The following GRIA4 variants were observed in gnomAD, a reference collection of about 807,000 sequenced individuals.
GRIA4 encodes glutamate ionotropic receptor AMPA type subunit 4, also known as glutamate receptor 4.
GRIA4 carries 34 observed loss-of-function variants against 104.0 expected under a neutral mutation model. The ratio of observed to expected loss-of-function variants is 0.33; its 90% CI spans 0.25 to 0.44. The LOEUF is 0.44. GRIA4 is among the 20% of genes least tolerant of loss of function. The pLI, the probability that GRIA4 is intolerant of heterozygous loss-of-function variation, is 1.00. For missense variants in GRIA4, 750 were observed against 1,096.5 expected (o/e 0.68, Z 4.46); for synonymous variants, 386 against 381.9 (o/e 1.01, Z -0.13).
chr11:105,649,139 T>C (rs1194109060), intron 3 of GRIA4, among the ~76,000 whole-genome samples: 4 of 152,148 alleles, frequency 2.6e-5, no homozygotes, highest in African/African-American at 2.4e-5. Context: ...ATAAATAATA[T>C]ATCAAACTTT....
At chr11:105,612,492 C>T in intron 3 of GRIA4, 58 bp downstream of exon 3, 1 of 1,295,162 alleles carries the variant, frequency 7.7e-7, no homozygotes, top group South Asian at 1.4e-5. Context: ...GCAATGGAGT[C>T]CTCTTCCTCT....
intron 3 of GRIA4, among the ~76,000 whole-genome samples, chr11:105,737,771 G>C (rs1356051278): frequency 6.6e-6 from 1 of 152,082 alleles, no homozygotes; most frequent in Non-Finnish European, 1.5e-5. Flanking sequence ...TTTTCAAGTG[G>C]TGGAATGAAA....
intron 3 of GRIA4, among the ~76,000 whole-genome samples, chr11:105,711,135 ATGTAT>A (rs1364285758): frequency 6.6e-6 from 1 of 152,042 alleles, no homozygotes; most frequent in Non-Finnish European, 1.5e-5. Flanking sequence ...AAGAAATATA[ATGTAT>A]TATTATTCAC....
chr11:105,937,902 G>C (rs374800496), intron 14 of GRIA4, among the ~76,000 whole-genome samples: 4 of 152,290 alleles, frequency 2.6e-5, no homozygotes, highest in African/African-American at 7.2e-5. Flanking sequence ...AACAGGAACC[G>C]ATCCATTGAA....
chr11:105,707,331 A>G (rs1448157581), intron 3 of GRIA4: 1 of 152,474 alleles, frequency 6.6e-6, no homozygotes, highest in African/African-American at 2.4e-5. Flanking sequence ...AACAAGTCTT[A>G]AATTGAAAAA....
chr11:105,791,427 T>C (rs1356351420), intron 4 of GRIA4, among the ~76,000 whole-genome samples: 1 of 152,174 alleles, frequency 6.6e-6, no homozygotes, highest in East Asian at 1.9e-4. Flanking sequence ...GTTGTAAATG[T>C]TTTTCTAATT....
chr11:105,691,872 T>C (rs1243543073), intron 3 of GRIA4, among the ~76,000 whole-genome samples: 4 of 143,426 alleles, frequency 2.8e-5, no homozygotes, highest in African/African-American at 1.1e-4. Flanking sequence ...GAGGCGGAGG[T>C]TGCAGTGAGC....
rs5794424 is a variant in GRIA4, at chr11:105,742,604, ATGTG to A, written c.248-10365_248-10362del. On this transcript the variant is annotated intron_variant, in intron 3 of 16. Coordinates refer to ENST00000282499, the MANE Select transcript of GRIA4 (RefSeq NM_000829.4). The stretch of plus-strand genomic sequence containing the variant: ...TATACAAGTGTGAGTATATATATAT[ATGTG>A]TGTGTGTGTGTATGTATATATATAG... Among the ~76,000 whole-genome samples the A allele has an allele frequency of 4.6e-5, 7 of 151,134 alleles. No homozygotes were observed. The East Asian group carries it at 1.4e-3, about 30-fold the overall frequency.
At chr11:105,670,672 G>T (rs1489069563) in intron 3 of GRIA4, among the ~76,000 whole-genome samples, 2 of 152,058 alleles carry the variant, frequency 1.3e-5, no homozygotes, top group South Asian at 2.1e-4. Flanking sequence ...AGCTGAACTG[G>T]TAGTAACTAG....
intron 4 of GRIA4, among the ~76,000 whole-genome samples, chr11:105,853,715 A>C (rs1045408262): frequency 2.6e-5 from 4 of 152,124 alleles, no homozygotes; most frequent in Non-Finnish European, 5.9e-5. Flanking sequence ...AGATAAGTAC[A>C]GGATTGGTGG....
At chr11:105,941,273 A>G (rs1325531905) in intron 14 of GRIA4, among the ~76,000 whole-genome samples, 1 of 152,208 alleles carries the variant, frequency 6.6e-6, no homozygotes, top group Non-Finnish European at 1.5e-5. Context: ...TAAATGAACA[A>G]ATTTCATACT....
At chr11:105,759,486 T>C (rs1940496639) in intron 4 of GRIA4, among the ~76,000 whole-genome samples, 1 of 152,172 alleles carries the variant, frequency 6.6e-6, no homozygotes, top group South Asian at 2.1e-4. Flanking sequence ...AAACTACATA[T>C]GTCACATTCT....
chr11:105,743,438 C>A lies in GRIA4; in HGVS notation c.248-9543C>A, dbSNP rs374073781. Among the ~76,000 whole-genome samples the A allele has an allele frequency of 6.7e-4, 102 of 152,274 alleles. 1 individual carries two copies. The highest frequency in any genetic ancestry group is 2.4e-3 in the African/African-American group (99 of 41,546). On this transcript the variant is annotated intron_variant, in intron 3 of 16. Transcript: ENST00000282499. Reference sequence around the variant, plus strand: ...ATTCTACCTTCTCTGACTTCATCTGCCAGGTCTCCTATTCCTCCAATAATA... The same window carrying A: ...ATTCTACCTTCTCTGACTTCATCTGACAGGTCTCCTATTCCTCCAATAATA...
intron 3 of GRIA4, among the ~76,000 whole-genome samples, chr11:105,705,152 G>C (rs1333060722): frequency 6.6e-6 from 1 of 152,020 alleles, no homozygotes; most frequent in East Asian, 1.9e-4. Context: ...ACACATTTGG[G>C]GCATCACTGG....
chr11:105,834,059 T>G (rs1329998640), intron 4 of GRIA4, among the ~76,000 whole-genome samples: 1 of 152,064 alleles, frequency 6.6e-6, no homozygotes, highest in Non-Finnish European at 1.5e-5. Flanking sequence ...AATGTGTTAA[T>G]TGCCATGACT....
At chr11:105,675,704 T>C (rs1435432172) in intron 3 of GRIA4, among the ~76,000 whole-genome samples, 2 of 151,842 alleles carry the variant, frequency 1.3e-5, no homozygotes, top group Non-Finnish European at 2.9e-5. Context: ...TAATGGTTGA[T>C]TGCCTGTGGT....
At chr11:105,843,953 T>C (rs1944483207) in intron 4 of GRIA4, among the ~76,000 whole-genome samples, 1 of 152,212 alleles carries the variant, frequency 6.6e-6, no homozygotes, top group Non-Finnish European at 1.5e-5. Flanking sequence ...TTGAAGATTA[T>C]GAACTGCTTG....
chr11:105,812,518 C>G lies in GRIA4; in HGVS notation c.488-49506C>G, dbSNP rs192106590. Among the ~76,000 whole-genome samples the G allele has an allele frequency of 4.7e-3, 715 of 152,104 alleles. 1 individual carries two copies. The highest frequency in any genetic ancestry group is 8.7e-3 in the Non-Finnish European group (589 of 68,002). Reference sequence around the variant, plus strand: ...GGAAATTAACATAACTTTTATGAACCAAATTTTTTATCTTTGAAATAGTAA... The same window carrying G: ...GGAAATTAACATAACTTTTATGAACGAAATTTTTTATCTTTGAAATAGTAA... On this transcript the variant is annotated intron_variant, in intron 4 of 16. Coordinates refer to ENST00000282499, the MANE Select transcript of GRIA4 (RefSeq NM_000829.4).
intron 3 of GRIA4, among the ~76,000 whole-genome samples, chr11:105,731,686 C>T (rs1166949077): frequency 6.6e-6 from 1 of 152,108 alleles, no homozygotes; most frequent in African/African-American, 2.4e-5. Context: ...CCATGGAATA[C>T]TATACAGCCA....
Sources: gnomAD v4.1 joint callset for allele counts (sites outside exome capture counted in the v4.1 genomes callset) on GRCh38, gnomAD v4.1.1 for gene constraint, MANE v1.5 for transcripts, NCBI Gene and HGNC (gene_info 2026-07-23, HGNC 2026-07-21) for gene names.